EDAR: variants seen among roughly 807,000 people sequenced by gnomAD.
The protein encoded by EDAR is ectodysplasin A receptor.
Under a neutral mutation model 51.3 loss-of-function variants are expected in EDAR, and 38 were observed. The observed-to-expected ratio is 0.74, with a 90% confidence interval of 0.57 to 0.97. EDAR has a LOEUF of 0.97. Ranked by LOEUF, EDAR falls within the 50% of genes least tolerant of loss-of-function variation. The pLI is 0.00. For missense variants in EDAR, 528 were observed against 595.0 expected (o/e 0.89, Z 1.17); for synonymous variants, 227 against 242.1 (o/e 0.94, Z 0.58).
intron 1 of EDAR, among the ~76,000 whole-genome samples, chr2:108,963,242 C>T (rs1315904156): frequency 1.3e-5 from 2 of 152,222 alleles, no homozygotes; most frequent in East Asian, 1.9e-4. Context: ...CTGTGGCCAA[C>T]GTAAAAGGGC....
Position 108,896,864 on chromosome 2 carries a change from G to T in EDAR, c.*43C>A. The stretch of plus-strand genomic sequence containing the variant: ...ACTCACAGCTCCAGAGCCCTCGTTG[G>T]CTCCTTGGCTTGTCCTGGGAGGACA... On this transcript the variant is annotated 3_prime_UTR_variant, in exon 12 of 12. Coordinates refer to ENST00000258443, the MANE Select transcript of EDAR (RefSeq NM_022336.4). The T allele has an allele frequency of 6.3e-7, 1 of 1,581,930 alleles. No homozygotes were observed. The highest frequency in any genetic ancestry group is 8.6e-7 in the Non-Finnish European group (1 of 1,161,432).
intron 1 of EDAR, among the ~76,000 whole-genome samples, chr2:108,974,557 C>T (rs1698290232): frequency 6.6e-6 from 1 of 151,004 alleles, no homozygotes; most frequent in African/African-American, 2.4e-5. Context: ...TGATGAAACC[C>T]CATCTCTACT....
chr2:108,897,024 C>G lies in EDAR; in HGVS notation c.1230G>C (p.Glu410Asp), dbSNP rs763242176. 17 of 1,614,074 alleles carry G rather than the reference C, an allele frequency of 1.1e-5. No individual in the cohort carries two copies. The highest frequency in any genetic ancestry group is 1.4e-5 in the Non-Finnish European group (16 of 1,180,000). Reference sequence around the variant, plus strand: ...CAATCTGCACCAGTTTTGTGAGTAGCTCAGGGATGCTGTAGCCTGCCGTGC... The same window carrying G: ...CAATCTGCACCAGTTTTGTGAGTAGGTCAGGGATGCTGTAGCCTGCCGTGC... ...RISTAGYSIP[E>D]LLTKLVQIER... Residue 410 changes from glutamate to aspartate, a missense_variant, in exon 12 of 12, where the codon GAG becomes GAC. Transcript: ENST00000258443.
At chr2:108,919,516 G>A (rs1399167577) in intron 5 of EDAR, among the ~76,000 whole-genome samples, 10 of 152,006 alleles carry the variant, frequency 6.6e-5, no homozygotes, top group Admixed American at 2.0e-4. Flanking sequence ...GCACCACCAC[G>A]CCCAGCTAAT....
At chr2:108,929,464 G>T (rs1025880367) in intron 3 of EDAR, 85 bp from the exon 4 acceptor site, 3 of 1,409,418 alleles carry the variant, frequency 2.1e-6, no homozygotes, top group South Asian at 1.2e-5. Flanking sequence ...GGGCAGTGAC[G>T]TGCCAGCTGT....
At chr2:108,953,906 C>G (rs572391888) in intron 1 of EDAR, among the ~76,000 whole-genome samples, 1 of 152,096 alleles carries the variant, frequency 6.6e-6, no homozygotes, top group Non-Finnish European at 1.5e-5. Context: ...ATATGGATAT[C>G]CTTTGAAATA....
chr2:108,944,053 T>C (rs1199652548), intron 1 of EDAR, among the ~76,000 whole-genome samples: 1 of 152,226 alleles, frequency 6.6e-6, no homozygotes, highest in African/African-American at 2.4e-5. Flanking sequence ...CACAGGCAAT[T>C]GCTATCCAGC....
At chr2:108,919,445 A>G (rs1172350935) in intron 5 of EDAR, among the ~76,000 whole-genome samples, 1 of 152,012 alleles carries the variant, frequency 6.6e-6, no homozygotes, top group Non-Finnish European at 1.5e-5. Context: ...CGCAACCTCC[A>G]TCTCCCAGGT....
chr2:108,909,584 G>A (rs903972552), intron 9 of EDAR, among the ~76,000 whole-genome samples: 5 of 152,238 alleles, frequency 3.3e-5, no homozygotes, highest in South Asian at 2.1e-4. Flanking sequence ...CCTTCCAGGC[G>A]CAGCCTGCAG....
intron 1 of EDAR, among the ~76,000 whole-genome samples, chr2:108,956,559 G>C (rs1001622987): frequency 6.6e-6 from 1 of 152,190 alleles, no homozygotes; most frequent in African/African-American, 2.4e-5. Context: ...AAGGCACAAG[G>C]CTCCCTTGGG....
chr2:108,961,655 A>G (rs1160464675), intron 1 of EDAR, among the ~76,000 whole-genome samples: 1 of 152,164 alleles, frequency 6.6e-6, no homozygotes, highest in East Asian at 1.9e-4. Context: ...CTGAAACTCT[A>G]TGGTCAGAAC....
intron 4 of EDAR, 90 bp downstream of exon 4, chr2:108,929,108 A>C: frequency 6.8e-7 from 1 of 1,476,190 alleles, no homozygotes; most frequent in Admixed American, 1.7e-5. Context: ...TGCAGTATCC[A>C]TGACCCCTGT....
chr2:108,968,538 AG>A (rs1210148233), intron 1 of EDAR, among the ~76,000 whole-genome samples: 3 of 152,182 alleles, frequency 2.0e-5, no homozygotes, highest in African/African-American at 7.2e-5. Context: ...GAAGGGTGGT[AG>A]GCATACTCAG....
At chr2:108,960,582 T>C (rs996491087) in intron 1 of EDAR, among the ~76,000 whole-genome samples, 6 of 152,234 alleles carry the variant, frequency 3.9e-5, no homozygotes, top group Non-Finnish European at 8.8e-5. Context: ...ACGCTGGCTC[T>C]GTCACTGATA....
chr2:108,977,531 A>G (rs1464285394), intron 1 of EDAR, among the ~76,000 whole-genome samples: 1 of 152,036 alleles, frequency 6.6e-6, no homozygotes, highest in African/African-American at 2.4e-5. Flanking sequence ...CGGCCTCCCA[A>G]AGTGCTGGGA....
intron 1 of EDAR, among the ~76,000 whole-genome samples, chr2:108,936,687 A>C (rs78216501): frequency 0.015 from 2,236 of 152,286 alleles, 27 homozygotes; most frequent in South Asian, 0.03. Context: ...CCATCAGAGC[A>C]GCTGAAAACA....
intron 5 of EDAR, among the ~76,000 whole-genome samples, chr2:108,919,035 C>T (rs1487032284): frequency 6.6e-6 from 1 of 152,100 alleles, no homozygotes; most frequent in African/African-American, 2.4e-5. Context: ...CACTGGGACC[C>T]GCTGTGTCAG....
intron 4 of EDAR, among the ~76,000 whole-genome samples, chr2:108,927,134 A>G (rs1697271613): frequency 6.6e-6 from 1 of 152,164 alleles, no homozygotes; most frequent in Admixed American, 6.5e-5. Flanking sequence ...AACTGTCCCC[A>G]TCGTCTGCAC....
intron 4 of EDAR, among the ~76,000 whole-genome samples, chr2:108,924,537 T>G (rs1697215777): frequency 6.6e-6 from 1 of 152,238 alleles, no homozygotes; most frequent in South Asian, 2.1e-4. Flanking sequence ...TTTCCATGGC[T>G]GCTTTCTAAT....
Sources: allele counts gnomAD v4.1 joint callset (sites outside exome capture counted in the v4.1 genomes callset), GRCh38; gene constraint gnomAD v4.1.1; transcripts MANE v1.5; gene names NCBI Gene and HGNC (gene_info 2026-07-23, HGNC 2026-07-21).